Variants in WDPCP observed in about 807,000 individuals in gnomAD.
The protein encoded by WDPCP is WD repeat-containing and planar cell polarity effector protein fritz homolog.
In WDPCP, 71 loss-of-function variants were observed where a neutral mutation model predicts 93.1. The ratio of observed to expected loss-of-function variants is 0.76; its 90% CI spans 0.63 to 0.93. WDPCP has a LOEUF of 0.93. Ranked by LOEUF, WDPCP falls within the 40% of genes least tolerant of loss-of-function variation. The pLI is 0.00. For missense variants in WDPCP, 844 were observed against 887.4 expected, an observed-to-expected ratio of 0.95 and a Z score of 0.62; for synonymous variants, 315 against 315.0, an observed-to-expected ratio of 1.00 and a Z score of 0.00.
At chr2:63,538,918 A>G (rs935939212) in intron 1 of WDPCP, among the ~76,000 whole-genome samples, 9 of 152,278 alleles carry the variant, frequency 5.9e-5, no homozygotes, top group South Asian at 4.1e-4. Context: ...GGTGACTTGC[A>G]AAATAACTGT....
At chr2:63,259,263 A>G in intron 14 of WDPCP, 44 bp downstream of exon 14, 1 of 1,471,234 alleles carries the variant, frequency 6.8e-7, no homozygotes, top group East Asian at 2.3e-5. Context: ...GATACTAACT[A>G]TTGATTAAAA....
At chr2:63,661,509 C>T (rs1266782277) in intron 2 of WDPCP, among the ~76,000 whole-genome samples, 1 of 152,174 alleles carries the variant, frequency 6.6e-6, no homozygotes, top group Non-Finnish European at 1.5e-5. Flanking sequence ...GGACTTAATA[C>T]ATGCTTGTCA....
At chr2:63,245,357 T>C (rs2104672001) in intron 14 of WDPCP, among the ~76,000 whole-genome samples, 1 of 152,340 alleles carries the variant, frequency 6.6e-6, no homozygotes, top group Non-Finnish European at 1.5e-5. Flanking sequence ...TAAATAATTG[T>C]ACGGGTAACA....
At chr2:63,738,207 C>T (rs1669665399) in intron 2 of WDPCP, among the ~76,000 whole-genome samples, 1 of 152,040 alleles carries the variant, frequency 6.6e-6, no homozygotes, top group Non-Finnish European at 1.5e-5. Context: ...ACTGCTTGGC[C>T]TGTGAGTCTG....
chr2:63,199,337 A>G (rs954994738), intron 14 of WDPCP, among the ~76,000 whole-genome samples: 3 of 152,240 alleles, frequency 2.0e-5, no homozygotes, highest in Non-Finnish European at 2.9e-5. Context: ...AATGCCTCCA[A>G]GGCATTTCAG....
intron 14 of WDPCP, among the ~76,000 whole-genome samples, chr2:63,254,710 T>TACATATGCCATATATA (rs1224641645): frequency 2.0e-5 from 3 of 152,174 alleles, no homozygotes; most frequent in African/African-American, 7.2e-5. Flanking sequence ...TAGGAAGTGT[T>TACATATGCCATATATA]ACATATGCCA....
intron 17 of WDPCP, among the ~76,000 whole-genome samples, chr2:63,142,820 GTGTGTGT>G (rs1671179302): frequency 2.3e-4 from 6 of 26,290 alleles, no homozygotes; most frequent in African/African-American, 7.9e-4. Context: ...TGTTAGGGGT[GTGTGTGT>G]GTGTGTGTGT....
chr2:63,785,400 A>G (rs1670452648), intron 2 of WDPCP, among the ~76,000 whole-genome samples: 1 of 152,074 alleles, frequency 6.6e-6, no homozygotes, highest in Admixed American at 6.6e-5. Context: ...GAAGAAGGGT[A>G]GTGTCATTTT....
intron 1 of WDPCP, among the ~76,000 whole-genome samples, chr2:63,496,511 C>T (rs1180988030): frequency 6.6e-6 from 1 of 152,126 alleles, no homozygotes; most frequent in Non-Finnish European, 1.5e-5. Context: ...CTGTGAAGAG[C>T]TTCAAAGCCA....
At chr2:63,441,901 A>T (rs888686642) in intron 6 of WDPCP, 3 of 152,172 alleles carry the variant, frequency 2.0e-5, no homozygotes, top group African/African-American at 7.2e-5. Context: ...ATCAAATATA[A>T]TTCTTAAAGT....
chr2:63,353,192 C>T (rs183117599), intron 12 of WDPCP, among the ~76,000 whole-genome samples: 2 of 152,268 alleles, frequency 1.3e-5, no homozygotes, highest in East Asian at 3.9e-4. Context: ...CCACCGGGGC[C>T]TTCAGTCTGA....
intron 3 of WDPCP, among the ~76,000 whole-genome samples, chr2:63,634,564 T>C (rs1258983371): frequency 6.6e-6 from 1 of 152,194 alleles, no homozygotes; most frequent in Admixed American, 6.5e-5. Flanking sequence ...GGCAGCAGAA[T>C]ATACATTCAT....
At chr2:63,233,889 C>A (rs1043669616) in intron 14 of WDPCP, among the ~76,000 whole-genome samples, 2 of 152,078 alleles carry the variant, frequency 1.3e-5, no homozygotes, top group Admixed American at 6.6e-5. Flanking sequence ...AAGGTTAACT[C>A]TGCAGGAGGT....
chr2:63,303,846 G>A (rs6706424), intron 13 of WDPCP, among the ~76,000 whole-genome samples: 121,794 of 152,014 alleles, frequency 0.8, 49,651 homozygotes, highest in East Asian at 0.96. Flanking sequence ...CTCAAAAGAA[G>A]ACATATAAGC....
At chr2:63,685,717 C>A (rs1185558790) in intron 2 of WDPCP, among the ~76,000 whole-genome samples, 3 of 152,140 alleles carry the variant, frequency 2.0e-5, no homozygotes, top group African/African-American at 7.2e-5. Context: ...AAAATACTAG[C>A]AAGCCAAATT....
chr2:63,468,708 C>T (rs564459279), intron 6 of WDPCP, among the ~76,000 whole-genome samples: 1 of 152,114 alleles, frequency 6.6e-6, no homozygotes, highest in African/African-American at 2.4e-5. Context: ...ATTCCCTCCC[C>T]CCTTAGCAGG....
chr2:63,786,854 T>C (rs539793510), intron 2 of WDPCP, among the ~76,000 whole-genome samples: 16 of 152,330 alleles, frequency 1.1e-4, no homozygotes, highest in African/African-American at 3.8e-4. Flanking sequence ...CACAAAATTA[T>C]TGTTATATGA....
chr2:63,160,047 T>C (rs1672539557), intron 15 of WDPCP, among the ~76,000 whole-genome samples: 1 of 152,194 alleles, frequency 6.6e-6, no homozygotes, highest in Non-Finnish European at 1.5e-5. Flanking sequence ...ACTAGTAAAC[T>C]TGCCATAGGT....
chr2:63,279,133 T>A lies in WDPCP; in HGVS notation c.1813-19724A>T, dbSNP rs540912542. 6.6e-5 allele frequency among the ~76,000 whole-genome samples: 10 copies of A among 152,164 alleles called. No homozygotes were observed. The East Asian group carries it at 9.7e-4, about 15-fold the overall frequency. On this transcript the variant is annotated intron_variant, in intron 13 of 17. Transcript: ENST00000272321. ...AGGGAATCCTCCCTAAATCATTCTATGAAACCAGTATCACCATAATACCAA... is the reference window on the plus strand; with the variant it reads ...AGGGAATCCTCCCTAAATCATTCTAAGAAACCAGTATCACCATAATACCAA...
Sources: allele counts gnomAD v4.1 joint callset (sites outside exome capture counted in the v4.1 genomes callset), GRCh38; gene constraint gnomAD v4.1.1; transcripts MANE v1.5; gene names NCBI Gene and HGNC (gene_info 2026-07-23, HGNC 2026-07-21).